PTPRK: variants seen among roughly 807,000 people sequenced by gnomAD.
PTPRK encodes protein tyrosine phosphatase receptor type K.
A neutral mutation model predicts 178.0 loss-of-function variants in PTPRK; 75 were observed. The observed-to-expected ratio is 0.42, with a 90% CI of 0.35 to 0.51. The LOEUF is 0.51. Ranked by LOEUF, PTPRK falls within the 20% of genes least tolerant of loss-of-function variation. PTPRK has a pLI of 0.02. For synonymous variants in PTPRK, 637 were observed against 620.6 expected, an observed-to-expected ratio of 1.03 and a Z score of -0.39; for missense variants, 1,441 against 1,797.8, an observed-to-expected ratio of 0.80 and a Z score of 3.59.
intron 7 of PTPRK, among the ~76,000 whole-genome samples, chr6:128,133,588 T>C (rs1794579613): frequency 6.6e-6 from 1 of 152,172 alleles, no homozygotes; most frequent in South Asian, 2.1e-4. Context: ...TATATTTTGA[T>C]AAAACATATT....
chr6:128,495,085 T>C (rs1562639076), intron 1 of PTPRK, among the ~76,000 whole-genome samples: 1 of 152,220 alleles, frequency 6.6e-6, no homozygotes, highest in Non-Finnish European at 1.5e-5. Flanking sequence ...ACATCAACTC[T>C]GTGCAATTTA....
intron 11 of PTPRK, among the ~76,000 whole-genome samples, chr6:128,073,097 T>G (rs1475388749): frequency 1.3e-5 from 2 of 152,040 alleles, no homozygotes; most frequent in Non-Finnish European, 2.9e-5. Flanking sequence ...TTAAAAATAG[T>G]TTTTTAGGTA....
intron 6 of PTPRK, among the ~76,000 whole-genome samples, chr6:128,195,765 T>C (rs1804752004): frequency 6.6e-6 from 1 of 152,068 alleles, no homozygotes; most frequent in Non-Finnish European, 1.5e-5. Context: ...CAAAAAAACA[T>C]AAATCTTCAG....
intron 13 of PTPRK, among the ~76,000 whole-genome samples, chr6:128,035,478 A>C (rs1776061911): frequency 1.3e-5 from 2 of 152,236 alleles, no homozygotes; most frequent in African/African-American, 4.8e-5. Context: ...CAACATGGTA[A>C]TGATACAATA....
Position 128,078,898 on chromosome 6 carries a change from C to T in PTPRK, c.1798G>A (p.Glu600Lys). ...TCATTGAGAGAGGCATCAACTCCTTCATAGTCAGGTAAAGTTGGAGCTGAT... is the reference window on the plus strand; with the variant it reads ...TCATTGAGAGAGGCATCAACTCCTTTATAGTCAGGTAAAGTTGGAGCTGAT... The part of the protein sequence containing the change: ...NISAPTLPDY[E>K]GVDASLNETA... The change falls in exon 11 of 30, where the codon GAA becomes AAA. Residue 600 changes from glutamate to lysine, a missense_variant. By Grantham distance (56) the Glu-to-Lys change is moderately conservative. Transcript: ENST00000368226. 6.2e-7 allele frequency: 1 copy of T among 1,611,066 alleles called. No homozygotes were observed. The highest frequency in any genetic ancestry group is 8.5e-7 in the Non-Finnish European group (1 of 1,177,770).
At chr6:128,216,596 T>A (rs767548875) in intron 6 of PTPRK, among the ~76,000 whole-genome samples, 5 of 151,968 alleles carry the variant, frequency 3.3e-5, no homozygotes, top group Non-Finnish European at 7.4e-5. Context: ...ATCCTCTTTC[T>A]TATAAATTTT....
intron 2 of PTPRK, among the ~76,000 whole-genome samples, chr6:128,363,316 A>G (rs1456428046): frequency 6.6e-6 from 1 of 152,154 alleles, no homozygotes; most frequent in Non-Finnish European, 1.5e-5. Flanking sequence ...TCTGTGTCCC[A>G]AATGGTGCAA....
At chr6:128,087,103 A>C (rs1785997259) in intron 8 of PTPRK, among the ~76,000 whole-genome samples, 1 of 152,200 alleles carries the variant, frequency 6.6e-6, no homozygotes, top group African/African-American at 2.4e-5. Flanking sequence ...CTTGATTATT[A>C]GTCTAGTCAT....
intron 7 of PTPRK, among the ~76,000 whole-genome samples, chr6:128,109,599 G>A (rs1790306279): frequency 6.6e-6 from 1 of 152,106 alleles, no homozygotes. Flanking sequence ...GACAAGAAAG[G>A]AAGCACAACT....
chr6:128,001,101 G>T, intron 15 of PTPRK: 1 of 987,528 alleles, frequency 1.0e-6, no homozygotes, highest in Non-Finnish European at 1.5e-6. Context: ...GAGGGTACAC[G>T]TACTAATCAT....
chr6:128,251,695 T>C (rs527400095), intron 3 of PTPRK, among the ~76,000 whole-genome samples: 1 of 152,304 alleles, frequency 6.6e-6, no homozygotes, highest in South Asian at 2.1e-4. Flanking sequence ...CATACATATA[T>C]ACACGTGCCC....
At position 128,297,024 on chromosome 6, in the gene PTPRK, A is replaced by T. The variant is rs1241986126; in HGVS notation, c.495+25015T>A. 2.0e-5 allele frequency among the ~76,000 whole-genome samples: 3 copies of T among 151,842 alleles called. No homozygotes were observed. In the South Asian group the frequency reaches 6.3e-4, roughly 32 times the overall value. Reference sequence around the variant, plus strand: ...ACATAGGCTCAAAATAAAAGGATGGAGGAAGATCTACCAAGCAAATGGAAA... The same window carrying T: ...ACATAGGCTCAAAATAAAAGGATGGTGGAAGATCTACCAAGCAAATGGAAA... On this transcript the variant is annotated intron_variant, in intron 3 of 29. Transcript: ENST00000368226.
At chr6:128,155,031 G>T (rs1166484506) in intron 7 of PTPRK, among the ~76,000 whole-genome samples, 1 of 151,482 alleles carries the variant, frequency 6.6e-6, no homozygotes, top group Non-Finnish European at 1.5e-5. Flanking sequence ...ACAGCACTTG[G>T]GTGATTAAAG....
intron 3 of PTPRK, among the ~76,000 whole-genome samples, chr6:128,248,347 T>C (rs895158505): frequency 1.3e-5 from 2 of 152,234 alleles, no homozygotes; most frequent in African/African-American, 4.8e-5. Context: ...AATTCTACCA[T>C]GTGAACCTTA....
intron 3 of PTPRK, among the ~76,000 whole-genome samples, chr6:128,252,067 G>T (rs1816552533): frequency 6.6e-6 from 1 of 152,140 alleles, no homozygotes; most frequent in Non-Finnish European, 1.5e-5. Flanking sequence ...ACTGTAAAAA[G>T]TCAGGACCAC....
intron 2 of PTPRK, among the ~76,000 whole-genome samples, chr6:128,371,391 T>A (rs1584404175): frequency 6.6e-6 from 1 of 152,320 alleles, no homozygotes; most frequent in Admixed American, 6.5e-5. Flanking sequence ...CGTATTCTCA[T>A]AAAAAGGTTT....
At chr6:128,008,155 G>A in intron 14 of PTPRK, 1 of 904,914 alleles carries the variant, frequency 1.1e-6, no homozygotes, top group East Asian at 5.2e-5. Context: ...AAAACATGTA[G>A]TATGAGTCTT....
chr6:127,995,115 G>C, intron 18 of PTPRK: 1 of 873,126 alleles, frequency 1.1e-6, no homozygotes, highest in Non-Finnish European at 1.8e-6. Flanking sequence ...AAAACGAACA[G>C]AGATATATTG....
chr6:128,382,863 C>G (rs1838146367), intron 2 of PTPRK, among the ~76,000 whole-genome samples: 1 of 152,134 alleles, frequency 6.6e-6, no homozygotes, highest in Admixed American at 6.5e-5. Context: ...AATTTCAAAA[C>G]AACTTTTGTA....
Sources: gnomAD v4.1 joint callset for allele counts (sites outside exome capture counted in the v4.1 genomes callset) on GRCh38, gnomAD v4.1.1 for gene constraint, MANE v1.5 for transcripts, NCBI Gene and HGNC (gene_info 2026-07-23, HGNC 2026-07-21) for gene names.